ZWILCH: variants seen among roughly 807,000 people sequenced by gnomAD.
ZWILCH encodes the protein zwilch kinetochore protein, also known as protein zwilch homolog.
Under a neutral mutation model 79.9 loss-of-function variants are expected in ZWILCH, and 74 were observed. That is an observed-to-expected ratio of 0.93 (90% confidence interval 0.77 to 1.12). The LOEUF (loss-of-function observed/expected upper bound fraction) is 1.12. ZWILCH is among the 50% of genes most tolerant of loss of function. ZWILCH has a pLI of 0.00. For missense variants in ZWILCH, 694 were observed against 687.5 expected, an observed-to-expected ratio of 1.01 and a Z score of -0.11; for synonymous variants, 241 against 228.2, an observed-to-expected ratio of 1.06 and a Z score of -0.51.
intron 1 of ZWILCH, chr15:66,508,596 A>G (rs535886693): frequency 1.1e-4 from 63 of 578,306 alleles, no homozygotes; most frequent in African/African-American, 9.2e-4. Flanking sequence ...GTTGTACCCA[A>G]TTGAGGGCAA....
intron 4 of ZWILCH, among the ~76,000 whole-genome samples, chr15:66,517,455 T>TATATATATATAGAGAGAG (rs1180456312): frequency 2.6e-5 from 3 of 115,204 alleles, no homozygotes; most frequent in South Asian, 2.9e-4. Context: ...TATATATATA[T>TATATATATATAGAGAGAG]AGTAATGTAC....
In ZWILCH at chr15:66,548,977, T is replaced by C. The variant is rs1298945316; in HGVS notation, c.*653T>C. 6.4e-6 allele frequency: 1 copy of C among 157,324 alleles called. No individual in the cohort carries two copies. Among genetic ancestry groups the C allele is most frequent in the Non-Finnish European group, 1.4e-5 (1 of 71,078 alleles). The allele number at this position is 157,324 out of a possible 1,614,324, so 9.7% of individuals were successfully genotyped here. On this transcript the variant is annotated 3_prime_UTR_variant, in exon 19 of 19. Coordinates refer to ENST00000307897, the MANE Select transcript of ZWILCH (RefSeq NM_017975.5). ...GTGATAGGAAAGTCCTTGGGAAACATTTCCAATCTTTCAAAATATTATTGT... is the reference window on the plus strand; with the variant it reads ...GTGATAGGAAAGTCCTTGGGAAACACTTCCAATCTTTCAAAATATTATTGT...
At chr15:66,533,258 G>A (rs1490339110) in intron 14 of ZWILCH, among the ~76,000 whole-genome samples, 1 of 152,146 alleles carries the variant, frequency 6.6e-6, no homozygotes, top group Non-Finnish European at 1.5e-5. Flanking sequence ...TGAAGCCAGT[G>A]TACTATCACA....
intron 4 of ZWILCH, among the ~76,000 whole-genome samples, chr15:66,517,726 CTTTTTTTTTT>C (rs1161719182): frequency 1.7e-5 from 1 of 58,228 alleles, no homozygotes; most frequent in African/African-American, 7.3e-5. Context: ...CTTTTCTTTC[CTTTTTTTTTT>C]TTTTTTTTTT....
rs758839860 is a variant in ZWILCH, at chr15:66,505,334, G to T, written c.-5G>T. ...GTTCCGGTACCGCTCTCACATTGGG[G>T]CGGGATGTGGGAGCGGCTGAACTGC... On this transcript the variant is annotated 5_prime_UTR_variant, in exon 1 of 19. Transcript: ENST00000307897. 3.6e-5 allele frequency: 58 copies of T among 1,613,666 alleles called. No homozygotes were observed. Among genetic ancestry groups the T allele is most frequent in the Admixed American group, 6.7e-5 (4 of 59,988 alleles).
chr15:66,535,891 G>C, intron 14 of ZWILCH, 42 bp from the exon 15 acceptor site: 1 of 1,560,684 alleles, frequency 6.4e-7, no homozygotes, highest in Non-Finnish European at 8.6e-7. Flanking sequence ...AGGTTACACA[G>C]GTGCTTTAAA....
At chr15:66,540,662 C>A (rs1332800312) in intron 17 of ZWILCH, among the ~76,000 whole-genome samples, 1 of 150,212 alleles carries the variant, frequency 6.7e-6, no homozygotes, top group African/African-American at 2.4e-5. Context: ...GGAGTCTCCC[C>A]CTGTCGCCCA....
At chr15:66,505,557 T>C (rs1181824912) in intron 1 of ZWILCH, 166 bp downstream of exon 1, 3 of 725,644 alleles carry the variant, frequency 4.1e-6, no homozygotes, top group Non-Finnish European at 6.8e-6. Flanking sequence ...CGGTGTGGGG[T>C]TGACCGTGTG....
intron 2 of ZWILCH, among the ~76,000 whole-genome samples, chr15:66,509,822 CATATATATATATATATATAT>C (rs201725734): frequency 0.038 from 3,406 of 88,936 alleles, 157 homozygotes; most frequent in Admixed American, 0.094. Flanking sequence ...TGTGTGGCTA[CATATATATATATATATATAT>C]ATATATATAT....
chr15:66,520,427 C>A, intron 5 of ZWILCH, 163 bp from the exon 6 acceptor site: 2 of 580,528 alleles, frequency 3.4e-6, no homozygotes, highest in Middle Eastern at 4.0e-4. Flanking sequence ...AGCCCACTTT[C>A]ATTCTCTTAT....
Position 66,536,073 on chromosome 15 carries a change from A to G in ZWILCH, c.1478+4A>G. Reference sequence around the variant, plus strand: ...AACTCCTCTTTTCTTTAACACAGTAAGTACATCTGTATTCTTCACTTATAT... The same window carrying G: ...AACTCCTCTTTTCTTTAACACAGTAGGTACATCTGTATTCTTCACTTATAT... On this transcript the variant is annotated splice_donor_region_variant and intron_variant, in intron 15 of 18. Coordinates refer to ENST00000307897, the MANE Select transcript of ZWILCH (RefSeq NM_017975.5). The G allele has an allele frequency of 6.3e-7, 1 of 1,599,006 alleles. No homozygotes were observed. The highest frequency in any genetic ancestry group is 1.7e-5 in the Admixed American group (1 of 57,228).
chr15:66,549,931 A>T lies in ZWILCH; in HGVS notation c.*1607A>T, dbSNP rs1284291710. On this transcript the variant is annotated 3_prime_UTR_variant, in exon 19 of 19. Coordinates refer to ENST00000307897, the MANE Select transcript of ZWILCH (RefSeq NM_017975.5). Reference sequence around the variant, plus strand: ...AAGAAACCTGATTTTAATCATAAGTAGTTTTGGAAGATTGACTTCAAGTAG... The same window carrying T: ...AAGAAACCTGATTTTAATCATAAGTTGTTTTGGAAGATTGACTTCAAGTAG... 1 of 599,816 alleles carries T rather than the reference A, an allele frequency of 1.7e-6. No homozygotes were observed. The highest frequency in any genetic ancestry group is 2.7e-6 in the Non-Finnish European group (1 of 365,674). 37.2% of individuals were successfully genotyped at this position (599,816 alleles called of 1,614,324 possible).
chr15:66,543,045 A>G (rs908836374), intron 17 of ZWILCH, among the ~76,000 whole-genome samples: 4 of 152,058 alleles, frequency 2.6e-5, no homozygotes, highest in Non-Finnish European at 5.9e-5. Flanking sequence ...CAAAATTGTA[A>G]AAGAATAGCT....
chr15:66,539,609 C>T (rs530666891), intron 16 of ZWILCH, among the ~76,000 whole-genome samples: 4 of 152,228 alleles, frequency 2.6e-5, no homozygotes, highest in African/African-American at 9.6e-5. Flanking sequence ...AATGATCTTC[C>T]TAAAAATTCA....
intron 12 of ZWILCH, among the ~76,000 whole-genome samples, chr15:66,530,907 AT>A (rs1387866020): frequency 6.6e-6 from 1 of 152,084 alleles, no homozygotes; most frequent in Non-Finnish European, 1.5e-5. Flanking sequence ...TAGCCGTTGA[AT>A]TTTTCTCTTG....
At chr15:66,534,600 C>T (rs1329757370) in intron 14 of ZWILCH, among the ~76,000 whole-genome samples, 2 of 152,082 alleles carry the variant, frequency 1.3e-5, no homozygotes, top group African/African-American at 4.8e-5. Context: ...TATTTTTGTA[C>T]TGAATACTGT....
chr15:66,534,350 A>G (rs989552199), intron 14 of ZWILCH, among the ~76,000 whole-genome samples: 5 of 152,224 alleles, frequency 3.3e-5, no homozygotes, highest in African/African-American at 1.2e-4. Flanking sequence ...TTGAGCATCC[A>G]TGGATTTTGG....
intron 2 of ZWILCH, among the ~76,000 whole-genome samples, chr15:66,509,814 T>G (rs1893966126): frequency 7.3e-6 from 1 of 136,096 alleles, no homozygotes. Context: ...TATGTGTGTG[T>G]GTGGCTACAT....
chr15:66,518,828 T>C, intron 4 of ZWILCH, 51 bp from the exon 5 acceptor site: 1 of 1,539,674 alleles, frequency 6.5e-7, no homozygotes, highest in South Asian at 1.1e-5. Context: ...TTAAAGAAAT[T>C]CTTGAATTGG....
Sources: allele counts gnomAD v4.1 joint callset (sites outside exome capture counted in the v4.1 genomes callset), GRCh38; gene constraint gnomAD v4.1.1; transcripts MANE v1.5; gene names NCBI Gene and HGNC (gene_info 2026-07-23, HGNC 2026-07-21).